NRXN1: variants seen among roughly 807,000 people sequenced by gnomAD.
NRXN1 encodes the protein neurexin-1.
In NRXN1, 39 loss-of-function variants were observed where a neutral mutation model predicts 150.9. The observed-to-expected ratio is 0.26, with a 90% CI of 0.20 to 0.34. NRXN1 has a LOEUF of 0.34. NRXN1 is among the 10% of genes least tolerant of loss of function. NRXN1 has a pLI of 1.00. For missense variants in NRXN1, 1,815 were observed against 1,949.9 expected (o/e 0.93, Z 1.30); for synonymous variants, 924 against 757.0 (o/e 1.22, Z -3.62).
intron 12 of NRXN1, among the ~76,000 whole-genome samples, chr2:50,516,150 T>C (rs950698535): frequency 6.6e-6 from 1 of 152,206 alleles, no homozygotes; most frequent in Non-Finnish European, 1.5e-5. Context: ...ATGGCACTTC[T>C]AAATTTTCCT....
rs1462311196 is a variant in NRXN1 at position 50,109,502 on chromosome 2, T to A, written c.3547-18008A>T. Among the ~76,000 whole-genome samples, 12 of 152,148 alleles carry A rather than the reference T, an allele frequency of 7.9e-5. 1 individual carries two copies. Among genetic ancestry groups the A allele is most frequent in the Admixed American group, 6.5e-4 (10 of 15,278 alleles). ...ACTTTAAAATAGCATACTCTTCCTGTCTTTTTTGAGATCTAAAATTGTTTA... is the reference window on the plus strand; with the variant it reads ...ACTTTAAAATAGCATACTCTTCCTGACTTTTTTGAGATCTAAAATTGTTTA... On this transcript the variant is annotated intron_variant, in intron 18 of 22. Coordinates refer to ENST00000401669, the MANE Select transcript of NRXN1 (RefSeq NM_001330078.2).
intron 5 of NRXN1, among the ~76,000 whole-genome samples, chr2:50,731,273 T>C (rs1698068445): frequency 6.6e-6 from 1 of 152,192 alleles, no homozygotes; most frequent in African/African-American, 2.4e-5. Context: ...CAAACTGGAA[T>C]GACTTCTAAA....
chr2:50,736,840 AT>A (rs1698820343), intron 5 of NRXN1, among the ~76,000 whole-genome samples: 1 of 152,166 alleles, frequency 6.6e-6, no homozygotes, highest in South Asian at 2.1e-4. Flanking sequence ...GGCAGAAACC[AT>A]GACTTTATTT....
chr2:50,312,953 A>G (rs1363027282), intron 17 of NRXN1, among the ~76,000 whole-genome samples: 1 of 152,096 alleles, frequency 6.6e-6, no homozygotes, highest in East Asian at 1.9e-4. Context: ...CTTGGGAGTC[A>G]CTTCCTTAGA....
At chr2:50,635,219 G>A (rs1331181322) in intron 5 of NRXN1, among the ~76,000 whole-genome samples, 4 of 151,012 alleles carry the variant, frequency 2.6e-5, no homozygotes, top group Admixed American at 1.3e-4. Context: ...GTGCAGTGGC[G>A]CGATCTCAGC....
chr2:50,808,089 C>T (rs1472554943), intron 5 of NRXN1, among the ~76,000 whole-genome samples: 3 of 151,974 alleles, frequency 2.0e-5, no homozygotes, highest in African/African-American at 7.2e-5. Flanking sequence ...AATGTAGGCA[C>T]TTTTATAACT....
At chr2:50,527,409 G>C (rs2092983978) in intron 12 of NRXN1, among the ~76,000 whole-genome samples, 1 of 152,140 alleles carries the variant, frequency 6.6e-6, no homozygotes, top group African/African-American at 2.4e-5. Flanking sequence ...CCGCTTACGT[G>C]AGAGCTTTGA....
At position 50,828,591 on chromosome 2, in the gene NRXN1, G is replaced by A. The variant is rs1422527459; in HGVS notation, c.832+93278C>T. ...AGAGGCGCTCCTTACATCCCAGACA[G>A]GGCGGTGGGGCAAAGGCGCTCCCCA... On this transcript the variant is annotated intron_variant, in intron 5 of 22. Coordinates refer to ENST00000401669, the MANE Select transcript of NRXN1 (RefSeq NM_001330078.2). Among the ~76,000 whole-genome samples the A allele has an allele frequency of 4.6e-5, 7 of 151,936 alleles. No homozygotes were observed. The East Asian group carries it at 7.8e-4, about 17-fold the overall frequency.
intron 17 of NRXN1, among the ~76,000 whole-genome samples, chr2:50,436,622 G>A (rs1205345050): frequency 6.6e-6 from 1 of 152,034 alleles, no homozygotes; most frequent in South Asian, 2.1e-4. Context: ...ACTTTCTTTT[G>A]AAAGTGTGAC....
intron 2 of NRXN1, among the ~76,000 whole-genome samples, chr2:50,993,774 TTCACTACAAAAA>T (rs1336504641): frequency 6.6e-6 from 1 of 152,002 alleles, no homozygotes; most frequent in Admixed American, 6.6e-5. Flanking sequence ...CATAGGATTC[TTCACTACAAAAA>T]TCACATGGAG....
chr2:49,919,005 G>T lies in NRXN1; in HGVS notation c.*2939C>A, dbSNP rs768112088. 2 of 152,042 alleles carry T rather than the reference G, an allele frequency of 1.3e-5. No individual in the cohort carries two copies. The highest frequency in any genetic ancestry group is 2.9e-5 in the Non-Finnish European group (2 of 67,952). The allele number at this position is 152,042 out of a possible 1,614,324, so 9.4% of individuals were successfully genotyped here. On this transcript the variant is annotated 3_prime_UTR_variant, in exon 23 of 23. Coordinates refer to ENST00000401669, the MANE Select transcript of NRXN1 (RefSeq NM_001330078.2). ...CCCCTTTGATACCCAATCACACAAA[G>T]CACTAGAAGGGTAGGGTTATGTGGC...
intron 19 of NRXN1, among the ~76,000 whole-genome samples, chr2:50,077,525 C>G (rs1171165501): frequency 6.6e-6 from 1 of 152,118 alleles, no homozygotes; most frequent in Non-Finnish European, 1.5e-5. Flanking sequence ...AAAATGCACT[C>G]TCGTCCAAGT....
intron 5 of NRXN1, among the ~76,000 whole-genome samples, chr2:50,723,424 A>C (rs1696923173): frequency 6.6e-6 from 1 of 152,210 alleles, no homozygotes; most frequent in African/African-American, 2.4e-5. Context: ...ATGACTAGCT[A>C]CATTACCCAT....
At position 50,978,307 on chromosome 2, in the gene NRXN1, A is replaced by AT. The variant is rs1558524554; in HGVS notation, c.772+49194_772+49195insA. Among the ~76,000 whole-genome samples, 3 of 79,274 alleles carry AT rather than the reference A, an allele frequency of 3.8e-5. No individual in the cohort carries two copies. The East Asian group carries it at 9.3e-4, about 25-fold the overall frequency. 52.0% of individuals were successfully genotyped at this position (79,274 alleles called of 152,430 possible). A position where few individuals can be genotyped will look rare whatever the true frequency, so the allele number is the denominator to read the frequency against. The stretch of plus-strand genomic sequence containing the variant: ...ATATATATATATATATATATATATA[A>AT]AATATATATATTATAGATAGATTTG... On this transcript the variant is annotated intron_variant, in intron 2 of 22. Coordinates refer to ENST00000401669, the MANE Select transcript of NRXN1 (RefSeq NM_001330078.2).
intron 18 of NRXN1, among the ~76,000 whole-genome samples, chr2:50,189,094 A>T (rs530130953): frequency 1.3e-5 from 2 of 152,226 alleles, no homozygotes; most frequent in Admixed American, 6.5e-5. Flanking sequence ...ACTGTTCACA[A>T]TAGCAAAGAC....
chr2:50,291,925 C>T (rs532133469), intron 17 of NRXN1, among the ~76,000 whole-genome samples: 4 of 152,254 alleles, frequency 2.6e-5, no homozygotes, highest in African/African-American at 9.6e-5. Context: ...CTATAGCCAG[C>T]TTATTAAACC....
intron 21 of NRXN1, among the ~76,000 whole-genome samples, chr2:50,015,189 T>C (rs1686368615): frequency 6.6e-6 from 1 of 152,126 alleles, no homozygotes; most frequent in Middle Eastern, 3.2e-3. Context: ...TATCTTGTAC[T>C]TTCCAAGTAT....
chr2:50,021,368 G>C, intron 21 of NRXN1, among the ~76,000 whole-genome samples: 1 of 151,974 alleles, frequency 6.6e-6, no homozygotes, highest in East Asian at 2.0e-4. Context: ...TAGTATAGCA[G>C]GATGGAAACT....
chr2:49,993,634 C>A (rs930267435), intron 21 of NRXN1, among the ~76,000 whole-genome samples: 1 of 152,094 alleles, frequency 6.6e-6, no homozygotes, highest in Non-Finnish European at 1.5e-5. Context: ...GGAAGCTATC[C>A]ATGTATGGGG....
Sources: allele counts gnomAD v4.1 joint callset (sites outside exome capture counted in the v4.1 genomes callset), GRCh38; gene constraint gnomAD v4.1.1; transcripts MANE v1.5; gene names NCBI Gene and HGNC (gene_info 2026-07-23, HGNC 2026-07-21).